FAM184A: variants seen among roughly 807,000 people sequenced by gnomAD.
The protein encoded by FAM184A is family with sequence similarity 184 member A.
In FAM184A, 99 loss-of-function variants were observed where a neutral mutation model predicts 143.8. That is an observed-to-expected ratio of 0.69 (90% CI 0.58 to 0.81). FAM184A has a LOEUF of 0.81. FAM184A is among the 40% of genes least tolerant of loss of function. FAM184A has a pLI of 0.00. For synonymous variants in FAM184A, 427 were observed against 446.4 expected, an observed-to-expected ratio of 0.96 and a Z score of 0.55; for missense variants, 1,217 against 1,310.5, an observed-to-expected ratio of 0.93 and a Z score of 1.10.
chr6:119,087,559 GGCT>G (rs1277908214), intron 1 of FAM184A, among the ~76,000 whole-genome samples: 1 of 152,162 alleles, frequency 6.6e-6, no homozygotes. Context: ...CCATTAGAAT[GGCT>G]GCTATCAAAA....
chr6:118,977,320 A>C (rs1783876204), intron 11 of FAM184A, among the ~76,000 whole-genome samples: 1 of 152,112 alleles, frequency 6.6e-6, no homozygotes, highest in African/African-American at 2.4e-5. Flanking sequence ...GGTGGTTCAC[A>C]CCTGTAATCC....
intron 1 of FAM184A, among the ~76,000 whole-genome samples, chr6:119,129,560 A>G (rs1282019117): frequency 1.3e-5 from 2 of 152,124 alleles, no homozygotes; most frequent in Non-Finnish European, 2.9e-5. Context: ...ATTTCAGTCC[A>G]CTAGGGGGAA....
chr6:119,011,237 A>G, intron 6 of FAM184A, 72 bp downstream of exon 6: 1 of 1,338,718 alleles, frequency 7.5e-7, no homozygotes, highest in Non-Finnish European at 1.0e-6. Context: ...TTACCTACCT[A>G]TACAATGTCA....
At chr6:119,133,460 G>C (rs1198435280) in intron 1 of FAM184A, among the ~76,000 whole-genome samples, 1 of 152,162 alleles carries the variant, frequency 6.6e-6, no homozygotes, top group African/African-American at 2.4e-5. Flanking sequence ...TTGGGCAGAA[G>C]TAAGAGAAGC....
At chr6:119,092,764 G>T (rs73533303) in intron 1 of FAM184A, among the ~76,000 whole-genome samples, 2 of 152,052 alleles carry the variant, frequency 1.3e-5, no homozygotes, top group African/African-American at 4.8e-5. Context: ...ATTGGGTTCT[G>T]GGTCTGATAA....
At chr6:119,034,041 TAGAGAGAGAGAGAGAG>T (rs57162948) in intron 1 of FAM184A, among the ~76,000 whole-genome samples, 332 of 42,010 alleles carry the variant, frequency 7.9e-3, no homozygotes, top group Non-Finnish European at 0.011. Context: ...TATATATATA[TAGAGAGAGAGAGAGAG>T]AGAGAGAGAG....
At chr6:119,010,811 A>T (rs1324490633) in intron 6 of FAM184A, among the ~76,000 whole-genome samples, 1 of 152,168 alleles carries the variant, frequency 6.6e-6, no homozygotes, top group Non-Finnish European at 1.5e-5. Context: ...TTCATATTAT[A>T]TTCCAATCCT....
chr6:118,994,802 G>A (rs1784496133), intron 9 of FAM184A, among the ~76,000 whole-genome samples: 1 of 152,068 alleles, frequency 6.6e-6, no homozygotes, highest in Non-Finnish European at 1.5e-5. Flanking sequence ...GTGGGAAATA[G>A]GAGACACCCA....
At chr6:119,051,688 GC>G (rs1271680167) in intron 1 of FAM184A, among the ~76,000 whole-genome samples, 1 of 151,520 alleles carries the variant, frequency 6.6e-6, no homozygotes, top group Non-Finnish European at 1.5e-5. Context: ...AGAGTATCTT[GC>G]CAAAAAAGAA....
chr6:119,004,972 C>T (rs1784877664), intron 7 of FAM184A, among the ~76,000 whole-genome samples: 1 of 152,140 alleles, frequency 6.6e-6, no homozygotes, highest in South Asian at 2.1e-4. Flanking sequence ...ACCATATAAA[C>T]ACAACCTATA....
At chr6:119,106,783 G>T (rs1202118402) in intron 1 of FAM184A, among the ~76,000 whole-genome samples, 1 of 152,286 alleles carries the variant, frequency 6.6e-6, no homozygotes, top group African/African-American at 2.4e-5. Flanking sequence ...AAGTAATAAG[G>T]CATGAAAACT....
At chr6:119,058,362 A>T (rs1787089523) in intron 1 of FAM184A, among the ~76,000 whole-genome samples, 2 of 151,488 alleles carry the variant, frequency 1.3e-5, no homozygotes, top group African/African-American at 2.4e-5. Flanking sequence ...CACCACATCT[A>T]GCTAATTTTT....
At chr6:119,121,966 C>A (rs1367508741) in intron 1 of FAM184A, among the ~76,000 whole-genome samples, 2 of 151,954 alleles carry the variant, frequency 1.3e-5, no homozygotes, top group African/African-American at 2.4e-5. Flanking sequence ...TATAGAGATG[C>A]AGTTGTTGGC....
chr6:119,015,752 C>G (rs950253652), intron 5 of FAM184A, among the ~76,000 whole-genome samples: 3 of 152,244 alleles, frequency 2.0e-5, no homozygotes, highest in Non-Finnish European at 2.9e-5. Context: ...CCTGCAGCCC[C>G]GGTGCGGGAT....
At chr6:119,119,429 T>C (rs1369429869) in intron 1 of FAM184A, among the ~76,000 whole-genome samples, 1 of 152,198 alleles carries the variant, frequency 6.6e-6, no homozygotes, top group African/African-American at 2.4e-5. Flanking sequence ...CACCCAGCTT[T>C]AAAATTTCTC....
chr6:119,129,493 T>C (rs927572978), intron 1 of FAM184A, among the ~76,000 whole-genome samples: 1 of 152,176 alleles, frequency 6.6e-6, no homozygotes, highest in Non-Finnish European at 1.5e-5. Context: ...AGTCTTTACA[T>C]GTGTTTCAAT....
intron 1 of FAM184A, among the ~76,000 whole-genome samples, chr6:119,036,445 T>C (rs919332757): frequency 6.6e-6 from 1 of 152,142 alleles, no homozygotes; most frequent in African/African-American, 2.4e-5. Flanking sequence ...AAGATATATT[T>C]CCTCGCTGTA....
chr6:119,141,107 A>G (rs1772218307), intron 1 of FAM184A, among the ~76,000 whole-genome samples: 2 of 152,242 alleles, frequency 1.3e-5, no homozygotes, highest in African/African-American at 4.8e-5. Flanking sequence ...ATTTGGTCAT[A>G]TTAGAAATTG....
chr6:119,035,692 C>T (rs1786084170), intron 1 of FAM184A, among the ~76,000 whole-genome samples: 1 of 152,160 alleles, frequency 6.6e-6, no homozygotes, highest in African/African-American at 2.4e-5. Context: ...GTCTCCACAA[C>T]CTTATCTTAA....
Sources: allele counts gnomAD v4.1 joint callset (sites outside exome capture counted in the v4.1 genomes callset), GRCh38; gene constraint gnomAD v4.1.1; transcripts MANE v1.5; gene names NCBI Gene and HGNC (gene_info 2026-07-23, HGNC 2026-07-21).